KLHL12: variants seen among roughly 807,000 people sequenced by gnomAD.
The protein encoded by KLHL12 is kelch-like protein 12.
In KLHL12, 17 loss-of-function variants were observed where a neutral mutation model predicts 60.8. The observed-to-expected ratio is 0.28, with a 90% CI of 0.19 to 0.42. KLHL12 has a LOEUF of 0.42. KLHL12 is among the 10% of genes least tolerant of loss of function. KLHL12 has a pLI of 1.00. For missense variants in KLHL12, 468 were observed against 722.3 expected (o/e 0.65, Z 4.04); for synonymous variants, 220 against 250.9 (o/e 0.88, Z 1.16).
At position 202,893,206 on chromosome 1, in the gene KLHL12, A is replaced by G. The variant is rs2102404085; in HGVS notation, c.1580+33T>C. 6.5e-7 allele frequency: 1 copy of G among 1,541,306 alleles called. No homozygotes were observed. The highest frequency in any genetic ancestry group is 2.3e-5 in the East Asian group (1 of 43,342). On this transcript the variant is annotated intron_variant, in intron 11 of 11. Coordinates refer to ENST00000367261, the MANE Select transcript of KLHL12 (RefSeq NM_021633.4). The surrounding 1 kb of genome is among the most constrained non-coding windows in gnomAD (Gnocchi z 4.1). ...TCACATAGACTCTTGCTCTGGCTAC[A>G]TATTGAGTCTGGATTCGTTTCTAAA...
At chr1:202,897,053 T>C (rs1375318699) in intron 6 of KLHL12, 93 bp from the exon 7 acceptor site, 10 of 947,354 alleles carry the variant, frequency 1.1e-5, no homozygotes, top group Non-Finnish European at 1.7e-5. Flanking sequence ...AGTTCTAGGA[T>C]GTCTTGTTTT....
At position 202,893,209 on chromosome 1, in the gene KLHL12, T is replaced by C. The variant is rs781515333; in HGVS notation, c.1580+30A>G. 1.8e-5 allele frequency: 28 copies of C among 1,546,252 alleles called. No individual in the cohort carries two copies. Among genetic ancestry groups the C allele is most frequent in the Non-Finnish European group, 2.5e-5 (28 of 1,140,466 alleles). ...CATAGACTCTTGCTCTGGCTACATA[T>C]TGAGTCTGGATTCGTTTCTAAATCC... On this transcript the variant is annotated intron_variant, in intron 11 of 11. Transcript: ENST00000367261. The surrounding 1 kb of genome is among the most constrained non-coding windows in gnomAD (Gnocchi z 4.1).
intron 6 of KLHL12, among the ~76,000 whole-genome samples, chr1:202,907,242 A>G (rs1221644617): frequency 1.3e-5 from 2 of 152,116 alleles, no homozygotes; most frequent in African/African-American, 4.8e-5. Flanking sequence ...ATTTTTATTT[A>G]TTTTTTGCTT....
At position 202,912,511 on chromosome 1, in the gene KLHL12, T is replaced by C. The variant is rs200919739; in HGVS notation, c.568-1308A>G. On this transcript the variant is annotated intron_variant, in intron 4 of 11. Transcript: ENST00000367261. Reference sequence around the variant, plus strand: ...GTGAGGATGGCGATAATGGATTTGGTAATGATGGAAGCAATTTTGGAGGTG... The same window carrying C: ...GTGAGGATGGCGATAATGGATTTGGCAATGATGGAAGCAATTTTGGAGGTG... The C allele has an allele frequency of 1.3e-5, 13 of 965,564 alleles. No individual in the cohort carries two copies. In the East Asian group the frequency reaches 3.1e-4, roughly 23 times the overall value. The allele number at this position is 965,564 out of a possible 1,614,324, so 59.8% of individuals were successfully genotyped here.
At chr1:202,903,262 A>C (rs1300272026) in intron 6 of KLHL12, among the ~76,000 whole-genome samples, 1 of 150,624 alleles carries the variant, frequency 6.6e-6, no homozygotes, top group Non-Finnish European at 1.5e-5. Context: ...GTGCCAACTC[A>C]TTCTACTTTC....
chr1:202,925,141 T>C lies in KLHL12; in HGVS notation c.22A>G (p.Lys8Glu), dbSNP rs759347713. The change falls in exon 2 of 12, where the codon AAA (lysine) becomes GAA (glutamate). Residue 8 changes from lysine to glutamate, a missense_variant. Coordinates refer to ENST00000367261, the MANE Select transcript of KLHL12 (RefSeq NM_021633.4). MGGIMAPKDIMTNTHAKS... is the reference protein window; with the variant it reads MGGIMAPEDIMTNTHAKS... Reference sequence around the variant, plus strand: ...GCATGAGTATTTGTCATTATGTCTTTGGGGGCCATAATGCCTCCCATAAAG... The same window carrying C: ...GCATGAGTATTTGTCATTATGTCTTCGGGGGCCATAATGCCTCCCATAAAG... 1 of 1,613,994 alleles carries C rather than the reference T, an allele frequency of 6.2e-7. No homozygotes were observed. The highest frequency in any genetic ancestry group is 8.5e-7 in the Non-Finnish European group (1 of 1,179,910).
intron 1 of KLHL12, among the ~76,000 whole-genome samples, chr1:202,926,592 C>T (rs1178018051): frequency 6.6e-6 from 1 of 152,118 alleles, no homozygotes; most frequent in Non-Finnish European, 1.5e-5. Flanking sequence ...TGAAGACAGC[C>T]CGGGGGGTCT....
chr1:202,913,350 A>C (rs1172831570), intron 4 of KLHL12, among the ~76,000 whole-genome samples: 1 of 152,160 alleles, frequency 6.6e-6, no homozygotes, highest in East Asian at 1.9e-4. Context: ...ATTCTGGGAG[A>C]TACCTTTCAG....
intron 2 of KLHL12, among the ~76,000 whole-genome samples, chr1:202,924,440 T>C (rs79043855): frequency 0.011 from 1,694 of 152,274 alleles, 24 homozygotes; most frequent in African/African-American, 0.038. Context: ...TGGTATTCAC[T>C]TAAAAATTTT....
Position 202,893,548 on chromosome 1 carries a change from CCACA to C in KLHL12, c.1394-127_1394-124del. ...AGTAGATGAGGGATATGGAATGGGC[CCACA>C]CGGGCCTAGAATAATCTAGTCCAGC... On this transcript the variant is annotated intron_variant, in intron 10 of 11. Transcript: ENST00000367261. The surrounding 1 kb of genome is among the most constrained non-coding windows in gnomAD (Gnocchi z 4.1). 1.4e-6 allele frequency: 1 copy of C among 737,484 alleles called. No homozygotes were observed. The highest frequency in any genetic ancestry group is 2.2e-6 in the Non-Finnish European group (1 of 449,830). The allele number at this position is 737,484 out of a possible 1,614,324, so 45.7% of individuals were successfully genotyped here. A position where few individuals can be genotyped will look rare whatever the true frequency, so the allele number is the denominator to read the frequency against.
In KLHL12 at chr1:202,927,208, C is replaced by G. The variant is rs568257240; in HGVS notation, c.-165G>C. On this transcript the variant is annotated 5_prime_UTR_variant, in exon 1 of 12. Transcript: ENST00000367261. ...GAAGCGCCGCCCAGACCCGGAGGCT[C>G]TGGAGGCTCTGGAGCCGTCCGGGTC... is the stretch of plus-strand genomic sequence containing the variant. The G allele has an allele frequency of 7.8e-5, 77 of 985,242 alleles. 1 individual carries two copies. The South Asian group carries it at 3.3e-3, about 43-fold the overall frequency. 61.0% of individuals were successfully genotyped at this position (985,242 alleles called of 1,614,324 possible). A position where few individuals can be genotyped will look rare whatever the true frequency, so the allele number is the denominator to read the frequency against.
intron 6 of KLHL12, among the ~76,000 whole-genome samples, chr1:202,900,374 A>G (rs564643062): frequency 7.1e-4 from 107 of 151,724 alleles, no homozygotes; most frequent in South Asian, 6.0e-3. Flanking sequence ...TGAGACTCCC[A>G]TATCTAGAAA....
In KLHL12 at chr1:202,891,729, C is replaced by G. The variant is rs776573740; in HGVS notation, c.*804G>C. ...GTTTATCCCCAGTTATACTGAACTC[C>G]CACATTGATGTCATCTTCTCTCATC... is the stretch of plus-strand genomic sequence containing the variant. On this transcript the variant is annotated 3_prime_UTR_variant, in exon 12 of 12. Transcript: ENST00000367261. The G allele has an allele frequency of 6.6e-6, 1 of 152,174 alleles. No homozygotes were observed. Among genetic ancestry groups the G allele is most frequent in the Non-Finnish European group, 1.5e-5 (1 of 68,034 alleles). The allele number at this position is 152,174 out of a possible 1,614,324, so 9.4% of individuals were successfully genotyped here.
chr1:202,918,221 G>A lies in KLHL12; in HGVS notation c.517C>T (p.Leu173Phe), dbSNP rs762987538. The change falls in exon 4 of 12, where the codon CTT becomes TTT. Residue 173 changes from leucine to phenylalanine, a missense_variant. Around this residue, in one of 4 missense-constraint regions of KLHL12, gnomAD observed 339 missense variants for 525.0 expected, o/e 0.65. Transcript: ENST00000367261. The stretch of plus-strand genomic sequence containing the variant: ...TTTTCCACCTCTCCTTGACTCAGAA[G>A]AATGAACTCTTCATGCTGTACCACT... ...PEVVQHEEFI[L>F]LSQGEVEKLI... 2 of 1,614,014 alleles carry A rather than the reference G, an allele frequency of 1.2e-6. No homozygotes were observed. Among genetic ancestry groups the A allele is most frequent in the Non-Finnish European group, 1.7e-6 (2 of 1,180,022 alleles).
At position 202,909,607 on chromosome 1, in the gene KLHL12, T is replaced by C. The variant is rs1660295451; in HGVS notation, c.718-483A>G. Among the ~76,000 whole-genome samples, 1 of 152,190 alleles carries C rather than the reference T, an allele frequency of 6.6e-6. No individual in the cohort carries two copies. Among genetic ancestry groups the C allele is most frequent in the Non-Finnish European group, 1.5e-5 (1 of 68,038 alleles). On this transcript the variant is annotated intron_variant, in intron 5 of 11. Coordinates refer to ENST00000367261, the MANE Select transcript of KLHL12 (RefSeq NM_021633.4). The surrounding 1 kb of genome is among the most constrained non-coding windows in gnomAD (Gnocchi z 4.1). ...TTGTCTATTTCTGACAGCTCTGTAC[T>C]GGACATCTTTCATTTGCCTCCCAAC...
Position 202,909,382 on chromosome 1 carries a change from A to G in KLHL12, c.718-258T>C, listed in dbSNP as rs1175180253. Among the ~76,000 whole-genome samples, 1 of 151,730 alleles carries G rather than the reference A, an allele frequency of 6.6e-6. No individual in the cohort carries two copies. Among genetic ancestry groups the G allele is most frequent in the African/African-American group, 2.4e-5 (1 of 41,214 alleles). On this transcript the variant is annotated intron_variant, in intron 5 of 11. Coordinates refer to ENST00000367261, the MANE Select transcript of KLHL12 (RefSeq NM_021633.4). This position sits in a 1 kb window ranked among gnomAD's most constrained non-coding sequence, Gnocchi z 4.1. ...ACAGATATGTTGAGCAGTATTTCCCATCTATCGCAGCGCTTACATTTAACT... is the reference window on the plus strand; with the variant it reads ...ACAGATATGTTGAGCAGTATTTCCCGTCTATCGCAGCGCTTACATTTAACT...
intron 6 of KLHL12, 136 bp from the exon 7 acceptor site, chr1:202,897,096 A>G (rs1359976539): frequency 6.9e-6 from 5 of 727,452 alleles, no homozygotes; most frequent in Admixed American, 2.1e-5. Context: ...GAAATGGGAG[A>G]TAATCATAAG....
chr1:202,893,555 G>T lies in KLHL12; in HGVS notation c.1394-130C>A. 1 of 689,572 alleles carries T rather than the reference G, an allele frequency of 1.5e-6. No homozygotes were observed. The highest frequency in any genetic ancestry group is 2.4e-6 in the Non-Finnish European group (1 of 415,862). 42.7% of individuals were successfully genotyped at this position (689,572 alleles called of 1,614,324 possible). On this transcript the variant is annotated intron_variant, in intron 10 of 11. Transcript: ENST00000367261. This position sits in a 1 kb window ranked among gnomAD's most constrained non-coding sequence, Gnocchi z 4.1. ...GAGGGATATGGAATGGGCCCACACG[G>T]GCCTAGAATAATCTAGTCCAGCACA...
Position 202,893,305 on chromosome 1 carries a change from C to A in KLHL12, c.1514G>T (p.Ser505Ile), listed in dbSNP as rs1659734282. The A allele has an allele frequency of 6.2e-7, 1 of 1,613,418 alleles. No individual in the cohort carries two copies. Among genetic ancestry groups the A allele is most frequent in the African/African-American group, 1.3e-5 (1 of 74,868 alleles). The change falls in exon 11 of 12, where the codon AGT becomes ATT. Residue 505 changes from serine (S) to isoleucine (I), a missense_variant. By Grantham distance (142) the Ser-to-Ile change is moderately radical. Transcript: ENST00000367261. The surrounding 1 kb of genome is among the most constrained non-coding windows in gnomAD (Gnocchi z 4.1). ...TACATAGCATCGTGGAGTGGTCATACTGGTGACAGTTGTCCAGGAATCAGT... is the reference window on the plus strand; with the variant it reads ...TACATAGCATCGTGGAGTGGTCATAATGGTGACAGTTGTCCAGGAATCAGT... ...IRTDSWTTVT[S>I]MTTPRCYVGA...
Sources: gnomAD v4.1 joint callset for allele counts (sites outside exome capture counted in the v4.1 genomes callset) on GRCh38, gnomAD v4.1.1 for gene constraint, gnomAD v4.1.1 regional missense constraint, Gnocchi (gnomAD v3.1) non-coding constraint, MANE v1.5 for transcripts, NCBI Gene and HGNC (gene_info 2026-07-23, HGNC 2026-07-21) for gene names.